Variants in KHDRBS2 observed in about 807,000 individuals in gnomAD.
The protein encoded by KHDRBS2 is KH RNA binding domain containing, signal transduction associated 2.
KHDRBS2 carries 26 observed loss-of-function variants against 44.3 expected under a neutral mutation model. The observed-to-expected ratio is 0.59, with a 90% CI of 0.43 to 0.81. The LOEUF is 0.81. Among genes scored for constraint, KHDRBS2 ranks in the 40% least tolerant of loss-of-function variants. The pLI, the probability that KHDRBS2 is intolerant of heterozygous loss-of-function variation, is 0.00. For synonymous variants in KHDRBS2, 194 were observed against 151.1 expected (o/e 1.28, Z -2.08); for missense variants, 476 against 433.1 (o/e 1.10, Z -0.88).
the KHDRBS2 span, among the ~76,000 whole-genome samples, chr6:61,543,835 G>A: frequency 6.6e-6 from 1 of 152,050 alleles, no homozygotes; most frequent in African/African-American, 2.4e-5. Flanking sequence ...TTTGTTAAGT[G>A]AGATATGCCA....
At chr6:61,564,698 G>T in the KHDRBS2 span, among the ~76,000 whole-genome samples, 3 of 152,122 alleles carry the variant, frequency 2.0e-5, no homozygotes, top group Admixed American at 2.0e-4. Context: ...TGGAGCTGGA[G>T]ATAGGGCATT....
At chr6:61,949,509 G>A (rs1213384385) in intron 4 of KHDRBS2, among the ~76,000 whole-genome samples, 1 of 151,870 alleles carries the variant, frequency 6.6e-6, no homozygotes, top group Non-Finnish European at 1.5e-5. Flanking sequence ...TAACTTAAAG[G>A]CTATCCATCT....
intron 2 of KHDRBS2, among the ~76,000 whole-genome samples, chr6:62,075,471 C>G (rs919761237): frequency 1.3e-5 from 2 of 151,888 alleles, no homozygotes; most frequent in Admixed American, 6.6e-5. Context: ...TCCTGGTATA[C>G]CAATGGTCCT....
At chr6:62,264,727 T>G (rs575721206) in intron 1 of KHDRBS2, among the ~76,000 whole-genome samples, 1 of 151,906 alleles carries the variant, frequency 6.6e-6, no homozygotes, top group East Asian at 1.9e-4. Context: ...CTTTCTTTTT[T>G]TCTGAAATAC....
intron 6 of KHDRBS2, among the ~76,000 whole-genome samples, chr6:61,796,196 T>C (rs1375532701): frequency 6.6e-6 from 1 of 152,210 alleles, no homozygotes; most frequent in Non-Finnish European, 1.5e-5. Flanking sequence ...TTTGGCTTCA[T>C]TATTATTTTT....
chr6:61,939,532 T>C (rs1200802384), intron 4 of KHDRBS2, among the ~76,000 whole-genome samples: 3 of 145,756 alleles, frequency 2.1e-5, no homozygotes, highest in South Asian at 4.4e-4. Context: ...ACTTTTTCTA[T>C]AAATGAACAA....
intron 6 of KHDRBS2, among the ~76,000 whole-genome samples, chr6:61,768,617 T>A (rs1780356301): frequency 6.6e-6 from 1 of 151,978 alleles, no homozygotes; most frequent in Non-Finnish European, 1.5e-5. Flanking sequence ...TAATTCTTTC[T>A]TCTGCTTGGT....
chr6:62,105,282 G>A (rs1484733076), intron 2 of KHDRBS2, among the ~76,000 whole-genome samples: 3 of 152,096 alleles, frequency 2.0e-5, no homozygotes, highest in Non-Finnish European at 2.9e-5. Flanking sequence ...AAACAGGCTG[G>A]CATTACTCTG....
chr6:61,945,108 AAAAAGTATATATATATATATATAT>A lies in KHDRBS2; in HGVS notation c.483+32934_483+32957del, dbSNP rs1199857915. Among the ~76,000 whole-genome samples the A allele has an allele frequency of 9.1e-5, 5 of 54,996 alleles. 1 individual carries two copies. Among genetic ancestry groups the A allele is most frequent in the Admixed American group, 2.5e-4 (1 of 3,926 alleles). 36.1% of individuals were successfully genotyped at this position (54,996 alleles called of 152,430 possible). A position where few individuals can be genotyped will look rare whatever the true frequency, so the allele number is the denominator to read the frequency against. On this transcript the variant is annotated intron_variant, in intron 4 of 8. Transcript: ENST00000281156. ...TCTGTCTTAAAAAAAAAAAAAAAAA[AAAAAGTATATATATATATATATAT>A]ATATATATATATATATATACACACA...
chr6:62,215,342 C>G (rs565899455), intron 1 of KHDRBS2, among the ~76,000 whole-genome samples: 1 of 151,734 alleles, frequency 6.6e-6, no homozygotes, highest in Non-Finnish European at 1.5e-5. Flanking sequence ...GCAAAATACA[C>G]CTTTCCTATG....
chr6:62,061,303 G>A lies in KHDRBS2; in HGVS notation c.220-13309C>T, dbSNP rs570349392. Among the ~76,000 whole-genome samples the A allele has an allele frequency of 4.0e-3, 613 of 151,724 alleles. 3 individuals are homozygous for A. Among genetic ancestry groups the A allele is most frequent in the African/African-American group, 0.014 (586 of 41,428 alleles). On this transcript the variant is annotated intron_variant, in intron 2 of 8. Coordinates refer to ENST00000281156, the MANE Select transcript of KHDRBS2 (RefSeq NM_152688.4). ...TTACATTTCGGCATGATTTTGCAGC[G>A]GCTGGTACCGGTTGTTCCTTTCCAT...
intron 2 of KHDRBS2, among the ~76,000 whole-genome samples, chr6:62,072,855 TA>T (rs1410473926): frequency 6.6e-6 from 1 of 152,172 alleles, no homozygotes; most frequent in Admixed American, 6.6e-5. Context: ...GCTGGCCTCA[TA>T]AAATGAGTTA....
At chr6:61,553,029 G>T in the KHDRBS2 span, among the ~76,000 whole-genome samples, 24 of 152,126 alleles carry the variant, frequency 1.6e-4, no homozygotes, top group African/African-American at 5.8e-4. Flanking sequence ...GAATGACTTA[G>T]GGAGGACTCC....
intron 6 of KHDRBS2, among the ~76,000 whole-genome samples, chr6:61,856,250 G>C (rs751452032): frequency 6.6e-6 from 1 of 151,940 alleles, no homozygotes; most frequent in South Asian, 2.1e-4. Flanking sequence ...TCCTTGTCTT[G>C]TGGCTTCACA....
intron 8 of KHDRBS2, among the ~76,000 whole-genome samples, chr6:61,688,344 G>A (rs984234346): frequency 1.1e-4 from 17 of 151,822 alleles, no homozygotes; most frequent in Admixed American, 5.9e-4. Context: ...AGTCTAAAAC[G>A]TACTTTCATT....
intron 3 of KHDRBS2, among the ~76,000 whole-genome samples, chr6:62,026,544 T>G (rs1783365344): frequency 6.6e-6 from 1 of 151,678 alleles, no homozygotes; most frequent in African/African-American, 2.4e-5. Flanking sequence ...GCAGTCCTCC[T>G]ACCTCAGCCT....
intron 2 of KHDRBS2, among the ~76,000 whole-genome samples, chr6:62,091,025 T>C (rs1799397645): frequency 6.6e-6 from 1 of 152,186 alleles, no homozygotes; most frequent in South Asian, 2.1e-4. Context: ...ATTGGGAATG[T>C]CAGGGCCTGT....
the KHDRBS2 span, among the ~76,000 whole-genome samples, chr6:61,588,570 A>G: frequency 6.6e-6 from 1 of 152,056 alleles, no homozygotes; most frequent in Non-Finnish European, 1.5e-5. Context: ...GTTGTTTGAG[A>G]CTGGGAGTTT....
intron 6 of KHDRBS2, among the ~76,000 whole-genome samples, chr6:61,814,786 C>T (rs543089801): frequency 1.3e-5 from 2 of 152,042 alleles, no homozygotes; most frequent in Admixed American, 6.5e-5. Context: ...TCCAAGATCC[C>T]CAGCAGATGT....
Sources: gnomAD v4.1 joint callset for allele counts (sites outside exome capture counted in the v4.1 genomes callset) on GRCh38, gnomAD v4.1.1 for gene constraint, MANE v1.5 for transcripts, NCBI Gene and HGNC (gene_info 2026-07-23, HGNC 2026-07-21) for gene names.